ZNF785: variants seen among roughly 807,000 people sequenced by gnomAD.
ZNF785 encodes zinc finger protein 785.
ZNF785 carries 15 observed loss-of-function variants against 11.3 expected under a neutral mutation model. The ratio of observed to expected loss-of-function variants is 1.32; its 90% CI spans 0.89 to 2.04. The LOEUF is 2.04. ZNF785 is among the 30% of genes most tolerant of loss of function. The pLI is 0.00. For synonymous variants in ZNF785, 221 were observed against 231.0 expected, an observed-to-expected ratio of 0.96 and a Z score of 0.39; for missense variants, 572 against 560.9, an observed-to-expected ratio of 1.02 and a Z score of -0.20.
chr16:30,583,669 C>T (rs1284632606), intron 2 of ZNF785: 60 of 501,822 alleles, frequency 1.2e-4, no homozygotes, highest in Non-Finnish European at 1.7e-5. Context: ...CAGGTTAACA[C>T]AAGAAGGCCC....
At chr16:30,578,574 A>C (rs2151234405), downstream of ZNF785, 3 of 152,378 alleles carry the variant, frequency 2.0e-5, no homozygotes, top group Middle Eastern at 0.01. Flanking sequence ...CCCAGGCTGG[A>C]GTGCAATGGC....
In ZNF785 at chr16:30,582,482, TC is replaced by T. The variant is rs140588038; in HGVS notation, c.*77del. 6,247 of 1,570,644 alleles carry T rather than the reference TC, an allele frequency of 4.0e-3. 192 individuals are homozygous for T. The African/African-American group carries it at 0.071, about 18-fold the overall frequency. On this transcript the variant is annotated 3_prime_UTR_variant, in exon 3 of 3. Transcript: ENST00000395216. ...ACTTTGTTTTCCTCAAACGCCCACT[TC>T]CTTTCCTTATCCCCCAAATACACAA...
At chr16:30,583,477 A>G in intron 2 of ZNF785, 34 bp from the exon 3 acceptor site, 1 of 1,517,930 alleles carries the variant, frequency 6.6e-7, no homozygotes, top group Middle Eastern at 1.8e-4. Context: ...TCAGAAACTC[A>G]TCCCTGGATC....
rs1452640300 is a variant in ZNF785, at chr16:30,583,461, A to T, written c.335-18T>A. The T allele has an allele frequency of 6.6e-7, 1 of 1,521,572 alleles. No homozygotes were observed. The highest frequency in any genetic ancestry group is 8.8e-7 in the Non-Finnish European group (1 of 1,135,374). 94.3% of individuals were successfully genotyped at this position (1,521,572 alleles called of 1,614,324 possible). A position where few individuals can be genotyped will look rare whatever the true frequency, so the allele number is the denominator to read the frequency against. On this transcript the variant is annotated intron_variant, in intron 2 of 2. Transcript: ENST00000395216. ...CCTGGATCCTGAAACAGGGAAGATG[A>T]TAAAATCAGAAACTCATCCCTGGAT... is the stretch of plus-strand genomic sequence containing the variant.
Position 30,582,193 on chromosome 16 carries a change from T to G in ZNF785, c.*367A>C. On this transcript the variant is annotated 3_prime_UTR_variant, in exon 3 of 3. Transcript: ENST00000395216. Reference sequence around the variant, plus strand: ...GGGTCCAGAGTGGGTGCAGGCTCCTTTAATAGGCACTGGAATGTAGGGGAC... The same window carrying G: ...GGGTCCAGAGTGGGTGCAGGCTCCTGTAATAGGCACTGGAATGTAGGGGAC... The G allele has an allele frequency of 4.1e-6, 1 of 242,532 alleles. No individual in the cohort carries two copies. Among genetic ancestry groups the G allele is most frequent in the Admixed American group, 5.2e-5 (1 of 19,336 alleles). 15.0% of individuals were successfully genotyped at this position (242,532 alleles called of 1,614,324 possible). A position where few individuals can be genotyped will look rare whatever the true frequency, so the allele number is the denominator to read the frequency against.
chr16:30,585,100 G>A lies in ZNF785; in HGVS notation c.334+22C>T, dbSNP rs746956529. The stretch of plus-strand genomic sequence containing the variant: ...GGGCGGGGGTTGGGGCTTCTCCACG[G>A]CTACTTATCCAAATGAAGTACCTGC... On this transcript the variant is annotated intron_variant, in intron 2 of 2. Transcript: ENST00000395216. This position sits in a 1 kb window ranked among gnomAD's most constrained non-coding sequence, Gnocchi z 4.0. The A allele has an allele frequency of 1.3e-6, 2 of 1,596,948 alleles. No individual in the cohort carries two copies. Among genetic ancestry groups the A allele is most frequent in the South Asian group, 1.1e-5 (1 of 89,904 alleles).
rs2051886066 is a variant in ZNF785, at chr16:30,585,628, C to T, written c.-17G>A. On this transcript the variant is annotated 5_prime_UTR_variant, in exon 1 of 3. Coordinates refer to ENST00000395216, the MANE Select transcript of ZNF785 (RefSeq NM_152458.7). The surrounding 1 kb of genome is among the most constrained non-coding windows in gnomAD (Gnocchi z 4.0). ...CGGCCCCATGGGAAACCCTTTCTGC[C>T]TGGCAAAGGGAGGCTTCCGGGGAAG... 1.4e-6 allele frequency: 2 copies of T among 1,463,070 alleles called. No homozygotes were observed. The highest frequency in any genetic ancestry group is 1.4e-5 in the African/African-American group (1 of 69,516). The allele number at this position is 1,463,070 out of a possible 1,614,324, so 90.6% of individuals were successfully genotyped here. A position where few individuals can be genotyped will look rare whatever the true frequency, so the allele number is the denominator to read the frequency against.
Position 30,582,742 on chromosome 16 carries a change from C to T in ZNF785, c.1036G>A (p.Gly346Arg). 1 of 1,610,264 alleles carries T rather than the reference C, an allele frequency of 6.2e-7. No homozygotes were observed. The highest frequency in any genetic ancestry group is 8.5e-7 in the Non-Finnish European group (1 of 1,177,306). ...DSRPFPCVEC[G>R]KGFKRKTALE... ...GCGGTCTTGCGCTTGAAGCCTTTCC[C>T]ACACTCCACGCAGGGGAAGGGCCGG... Residue 346 changes from glycine (G) to arginine (R), a missense_variant, in exon 3 of 3, where the codon GGG (glycine) becomes AGG (arginine). Physicochemically the swap from Gly to Arg is moderately radical, Grantham distance 125. Coordinates refer to ENST00000395216, the MANE Select transcript of ZNF785 (RefSeq NM_152458.7).
At position 30,585,388 on chromosome 16, in the gene ZNF785, C is replaced by G; in HGVS notation, c.205+19G>C. On this transcript the variant is annotated intron_variant, in intron 1 of 2. Transcript: ENST00000395216. This position sits in a 1 kb window ranked among gnomAD's most constrained non-coding sequence, Gnocchi z 4.0. ...CCCACCGACGGACTGGGGGTCCCGGCCGGAGGGCCCGGCCTCACCCAGCGC... is the reference window on the plus strand; with the variant it reads ...CCCACCGACGGACTGGGGGTCCCGGGCGGAGGGCCCGGCCTCACCCAGCGC... 1.3e-6 allele frequency: 2 copies of G among 1,575,350 alleles called. No individual in the cohort carries two copies. Among genetic ancestry groups the G allele is most frequent in the Non-Finnish European group, 1.7e-6 (2 of 1,162,396 alleles).
chr16:30,582,794 G>T lies in ZNF785; in HGVS notation c.984C>A (p.Leu328=). The T allele has an allele frequency of 6.2e-7, 1 of 1,607,190 alleles. No homozygotes were observed. Among genetic ancestry groups the T allele is most frequent in the Non-Finnish European group, 8.5e-7 (1 of 1,175,544 alleles). Residue 328 remains leucine (L), a synonymous_variant, in exon 3 of 3, where the codon CTC becomes CTA. Transcript: ENST00000395216. ...GRRFTYSSLL[L]SHRRIHSDSR... Reference sequence around the variant, plus strand: ...TGTCGGAGTGAATGCGCCGGTGACTGAGGAGGAGGGAAGAATAGGTGAAGC... The same window carrying T: ...TGTCGGAGTGAATGCGCCGGTGACTTAGGAGGAGGGAAGAATAGGTGAAGC...
rs747011304 is a variant in ZNF785 at position 30,582,614 on chromosome 16, C to T, written c.1164G>A (p.Lys388=). ...AGTGCCGGAAGTGAACTGGGGGATC[C>T]TTGCCTCCCAAAACAGGGATGGGCT... ...RSEPIPVLGG[K]DPPVHFRHFP... Residue 388 remains lysine (K), a synonymous_variant, in exon 3 of 3, where the codon AAG becomes AAA. Coordinates refer to ENST00000395216, the MANE Select transcript of ZNF785 (RefSeq NM_152458.7). 1.2e-6 allele frequency: 2 copies of T among 1,614,180 alleles called. No homozygotes were observed. Among genetic ancestry groups the T allele is most frequent in the Admixed American group, 1.7e-5 (1 of 60,030 alleles).
At position 30,583,222 on chromosome 16, in the gene ZNF785, G is replaced by C; in HGVS notation, c.556C>G (p.Leu186Val). The C allele has an allele frequency of 6.2e-7, 1 of 1,614,024 alleles. No homozygotes were observed. The highest frequency in any genetic ancestry group is 8.5e-7 in the Non-Finnish European group (1 of 1,179,934). ...TGGACCCGCTGGTGGCTGGCCAGGA[G>C]GGAAGGGTAGCTGAAGTTGCGGCCA... ...DCGRNFSYPS[L>V]LASHQRVHSG... The change falls in exon 3 of 3, where the codon CTC (leucine) becomes GTC (valine). Residue 186 changes from leucine to valine, a missense_variant. Transcript: ENST00000395216.
chr16:30,583,513 A>G, intron 2 of ZNF785, 70 bp from the exon 3 acceptor site: 1 of 1,511,848 alleles, frequency 6.6e-7, no homozygotes, highest in South Asian at 1.3e-5. Context: ...TGATAAAGTC[A>G]AAACCAGCAT....
Position 30,582,111 on chromosome 16 carries a change from A to G in ZNF785, c.*449T>C. 6.3e-6 allele frequency: 1 copy of G among 159,156 alleles called. No homozygotes were observed. Among genetic ancestry groups the G allele is most frequent in the Non-Finnish European group, 1.3e-5 (1 of 74,196 alleles). 9.9% of individuals were successfully genotyped at this position (159,156 alleles called of 1,614,324 possible). A position where few individuals can be genotyped will look rare whatever the true frequency, so the allele number is the denominator to read the frequency against. ...AAAAAAAGAAAAGAATCCTGGGATG[A>G]GCTCCGCCCCCCCCACCAGCCGAGG... is the stretch of plus-strand genomic sequence containing the variant. On this transcript the variant is annotated 3_prime_UTR_variant, in exon 3 of 3. Coordinates refer to ENST00000395216, the MANE Select transcript of ZNF785 (RefSeq NM_152458.7).
rs751587941 is a variant in ZNF785 at position 30,585,171 on chromosome 16, G to C, written c.285C>G (p.Pro95=). The C allele has an allele frequency of 3.1e-6, 5 of 1,614,050 alleles. No individual in the cohort carries two copies. In the East Asian group the frequency reaches 8.9e-5, roughly 29 times the overall value. The stretch of plus-strand genomic sequence containing the variant: ...TGAAAGCTGCAGAGCTCTCACCGTC[G>C]GGATCCTGGGCCTCCGGGCTCCACG... ...VEAWSPEAQD[P]DGESSAAFSR... The change falls in exon 2 of 3, where the codon CCC becomes CCG. Residue 95 remains proline, a synonymous_variant. Coordinates refer to ENST00000395216, the MANE Select transcript of ZNF785 (RefSeq NM_152458.7). The surrounding 1 kb of genome is among the most constrained non-coding windows in gnomAD (Gnocchi z 4.0).
Position 30,582,625 on chromosome 16 carries a change from A to G in ZNF785, c.1153T>C (p.Leu385=), listed in dbSNP as rs2151236626. The part of the protein sequence containing the change: ...VVGRSEPIPV[L]GGKDPPVHFR... Reference sequence around the variant, plus strand: ...TGAACTGGGGGATCCTTGCCTCCCAAAACAGGGATGGGCTCTGAACGCCCC... The same window carrying G: ...TGAACTGGGGGATCCTTGCCTCCCAGAACAGGGATGGGCTCTGAACGCCCC... The change falls in exon 3 of 3, where the codon TTG becomes CTG. Residue 385 remains leucine, a synonymous_variant. Coordinates refer to ENST00000395216, the MANE Select transcript of ZNF785 (RefSeq NM_152458.7). The G allele has an allele frequency of 1.9e-6, 3 of 1,614,150 alleles. No individual in the cohort carries two copies. The highest frequency in any genetic ancestry group is 2.2e-5 in the East Asian group (1 of 44,886).
Position 30,582,539 on chromosome 16 carries a change from G to A in ZNF785, c.*21C>T, listed in dbSNP as rs759992352. ...GCCTCTTCCTCTCCAGGGAAACGCT[G>A]ACCAGTTTGTGTGAACGCCATCACC... On this transcript the variant is annotated 3_prime_UTR_variant, in exon 3 of 3. Transcript: ENST00000395216. 1 of 1,611,858 alleles carries A rather than the reference G, an allele frequency of 6.2e-7. No homozygotes were observed. Among genetic ancestry groups the A allele is most frequent in the Non-Finnish European group, 8.5e-7 (1 of 1,178,576 alleles).
At position 30,582,695 on chromosome 16, in the gene ZNF785, G is replaced by A. The variant is rs751335582; in HGVS notation, c.1083C>T (p.Ile361=). Residue 361 remains isoleucine (I), a synonymous_variant, in exon 3 of 3, where the codon ATC becomes ATT. Coordinates refer to ENST00000395216, the MANE Select transcript of ZNF785 (RefSeq NM_152458.7). ...CGCGCCTCTCGCTGCAGGAGCGGTG[G>A]ATCCACCGATGGGCTTCCAGGGCGG... ...RKTALEAHRW[I]HRSCSERRAW... 7.1e-5 allele frequency: 115 copies of A among 1,613,854 alleles called. No individual in the cohort carries two copies. In the East Asian group the frequency reaches 2.5e-3, roughly 35 times the overall value.
In ZNF785 at chr16:30,583,300, G is replaced by C; in HGVS notation, c.478C>G (p.Pro160Ala). The change falls in exon 3 of 3, where the codon CCC becomes GCC. Residue 160 changes from proline (P) to alanine (A), a missense_variant. By Grantham distance (27) the Pro-to-Ala change is conservative. Coordinates refer to ENST00000395216, the MANE Select transcript of ZNF785 (RefSeq NM_152458.7). The part of the protein sequence containing the change: ...FCNPRQSPMN[P>A]WLKDTLTRRL... ...CGGGTCAGAGTGTCCTTGAGCCAGG[G>C]ATTCATGGGGCTCTGCCTAGGGTTG... is the stretch of plus-strand genomic sequence containing the variant. 1 of 1,614,010 alleles carries C rather than the reference G, an allele frequency of 6.2e-7. No homozygotes were observed. The highest frequency in any genetic ancestry group is 2.2e-5 in the East Asian group (1 of 44,880).
Sources: allele counts gnomAD v4.1 joint callset, GRCh38; gene constraint gnomAD v4.1.1; non-coding constraint Gnocchi (gnomAD v3.1); transcripts MANE v1.5; gene names NCBI Gene and HGNC (gene_info 2026-07-23, HGNC 2026-07-21).